The following CCDC171 variants were observed in gnomAD, a reference collection of about 807,000 sequenced individuals.
CCDC171 encodes the protein coiled-coil domain containing 171, also known as coiled-coil domain-containing protein 171.
A neutral mutation model predicts 168.2 loss-of-function variants in CCDC171; 177 were observed. The ratio of observed to expected loss-of-function variants is 1.05; its 90% confidence interval spans 0.93 to 1.19. CCDC171 has a LOEUF of 1.19. Ranked by LOEUF, CCDC171 falls within the 50% of genes most tolerant of loss-of-function variation. CCDC171 has a pLI of 0.00. For missense variants in CCDC171, 1,991 were observed against 1,539.0 expected (o/e 1.29, Z -4.91); for synonymous variants, 687 against 540.8 (o/e 1.27, Z -3.75).
At position 15,642,365 on chromosome 9, in the gene CCDC171, A is replaced by G. The variant is rs922867764; in HGVS notation, c.823-14762A>G. Among the ~76,000 whole-genome samples the G allele has an allele frequency of 2.2e-3, 104 of 47,454 alleles. 2 individuals carry two copies. Among genetic ancestry groups the G allele is most frequent in the East Asian group, 3.6e-3 (1 of 278 alleles). 31.1% of individuals were successfully genotyped at this position (47,454 alleles called of 152,430 possible). A position where few individuals can be genotyped will look rare whatever the true frequency, so the allele number is the denominator to read the frequency against. ...TGTGTATATATATATATATATATAT[A>G]TATATATATATATATATATGCATTT... On this transcript the variant is annotated intron_variant, in intron 7 of 25. Coordinates refer to ENST00000380701, the MANE Select transcript of CCDC171 (RefSeq NM_173550.4).
intron 24 of CCDC171, among the ~76,000 whole-genome samples, chr9:15,912,929 A>G (rs1424643329): frequency 6.6e-6 from 1 of 152,126 alleles, no homozygotes; most frequent in Non-Finnish European, 1.5e-5. Flanking sequence ...GTGCTGCTGG[A>G]TTCGGTTTGC....
At chr9:15,594,323 A>G (rs1464395883) in intron 6 of CCDC171, 151 bp downstream of exon 6, 4 of 555,472 alleles carry the variant, frequency 7.2e-6, no homozygotes, top group African/African-American at 2.0e-5. Flanking sequence ...TTACATGACA[A>G]TAGGGCAACT....
chr9:15,821,747 G>A (rs1390950456), intron 21 of CCDC171, among the ~76,000 whole-genome samples: 1 of 116,710 alleles, frequency 8.6e-6, no homozygotes, highest in South Asian at 2.8e-4. Context: ...TCGTGAAAAT[G>A]GCCATACTGC....
intron 6 of CCDC171, among the ~76,000 whole-genome samples, chr9:15,622,996 G>A (rs570130958): frequency 6.6e-6 from 1 of 152,286 alleles, no homozygotes; most frequent in East Asian, 1.9e-4. Context: ...TCAGAGGTCA[G>A]TTAAACTAAT....
At chr9:16,096,486 C>G in the CCDC171 span, among the ~76,000 whole-genome samples, 1 of 152,156 alleles carries the variant, frequency 6.6e-6, no homozygotes, top group Non-Finnish European at 1.5e-5. Context: ...AAAGCAAGCT[C>G]TTTGGTTAGT....
intron 3 of CCDC171, among the ~76,000 whole-genome samples, chr9:15,997,456 G>A (rs1832409424): frequency 6.6e-6 from 1 of 152,120 alleles, no homozygotes. Context: ...TTTGTTGAAG[G>A]GAGTTCAGAG....
intron 24 of CCDC171, among the ~76,000 whole-genome samples, chr9:15,881,331 T>G (rs566074916): frequency 6.6e-6 from 1 of 152,314 alleles, no homozygotes; most frequent in South Asian, 2.1e-4. Flanking sequence ...TTTGTTTCTT[T>G]TTCTCATTAA....
chr9:16,068,425 A>G, the CCDC171 span, among the ~76,000 whole-genome samples: 1 of 152,116 alleles, frequency 6.6e-6, no homozygotes, highest in Non-Finnish European at 1.5e-5. Context: ...TCAAGCTACC[A>G]ATGACTTTCT....
chr9:15,625,858 G>C (rs1441102825), intron 7 of CCDC171, among the ~76,000 whole-genome samples: 1 of 152,164 alleles, frequency 6.6e-6, no homozygotes, highest in Non-Finnish European at 1.5e-5. Flanking sequence ...TGTGAAGAAA[G>C]TCATTGGTAG....
chr9:15,628,697 T>C (rs901623598), intron 7 of CCDC171, among the ~76,000 whole-genome samples: 3 of 152,178 alleles, frequency 2.0e-5, no homozygotes, highest in Non-Finnish European at 4.4e-5. Context: ...AGCACGCAGC[T>C]GGAGATCTGA....
intron 25 of CCDC171, among the ~76,000 whole-genome samples, chr9:15,937,151 C>G (rs180934634): frequency 2.6e-5 from 4 of 151,872 alleles, no homozygotes; most frequent in African/African-American, 7.3e-5. Context: ...GTTTAACCGC[C>G]CAATTTTATT....
intron 4 of CCDC171, chr9:16,022,289 T>G (rs1158443335): frequency 6.6e-6 from 1 of 152,274 alleles, no homozygotes; most frequent in South Asian, 2.1e-4. Flanking sequence ...TTTGAAGACC[T>G]GTATGTTTTT....
chr9:15,906,095 C>G (rs1370615239), intron 24 of CCDC171, among the ~76,000 whole-genome samples: 3 of 152,172 alleles, frequency 2.0e-5, no homozygotes, highest in East Asian at 1.9e-4. Flanking sequence ...ACCAGAGGTA[C>G]AAGGAGGAGC....
chr9:15,647,104 A>C (rs571562933), intron 7 of CCDC171, among the ~76,000 whole-genome samples: 86 of 152,340 alleles, frequency 5.6e-4, no homozygotes, highest in African/African-American at 2.0e-3. Context: ...AACTCACTCA[A>C]AACCGCTCAA....
chr9:15,565,408 T>C (rs2132586981), intron 2 of CCDC171, among the ~76,000 whole-genome samples: 1 of 152,284 alleles, frequency 6.6e-6, no homozygotes, highest in East Asian at 1.9e-4. Flanking sequence ...GTCTGAGAAC[T>C]CCTGGCCTCA....
chr9:15,680,611 T>G (rs753277009), intron 10 of CCDC171, among the ~76,000 whole-genome samples: 2 of 152,356 alleles, frequency 1.3e-5, no homozygotes, highest in East Asian at 3.9e-4. Context: ...ACTGATATCA[T>G]TGCTTGTTCT....
intron 6 of CCDC171, among the ~76,000 whole-genome samples, chr9:16,034,863 G>A (rs183806662): frequency 1.8e-4 from 28 of 152,176 alleles, no homozygotes; most frequent in African/African-American, 6.7e-4. Context: ...CAAATTTTCT[G>A]GGCCCAAGGG....
chr9:15,631,183 G>A (rs1270229601), intron 7 of CCDC171, among the ~76,000 whole-genome samples: 1 of 151,994 alleles, frequency 6.6e-6, no homozygotes, highest in Non-Finnish European at 1.5e-5. Flanking sequence ...GAGCAGAACT[G>A]AAGGAAATAG....
At chr9:15,573,266 A>C (rs1235420879) in intron 3 of CCDC171, among the ~76,000 whole-genome samples, 3 of 152,082 alleles carry the variant, frequency 2.0e-5, no homozygotes, top group Non-Finnish European at 4.4e-5. Flanking sequence ...ATTTGAGGTA[A>C]TATTATTATC....
Sources: gnomAD v4.1 joint callset for allele counts (sites outside exome capture counted in the v4.1 genomes callset) on GRCh38, gnomAD v4.1.1 for gene constraint, MANE v1.5 for transcripts, NCBI Gene and HGNC (gene_info 2026-07-23, HGNC 2026-07-21) for gene names.